Variants in PPP1R9A observed in about 807,000 individuals in gnomAD.
PPP1R9A encodes the protein protein phosphatase 1 regulatory subunit 9A, also known as neurabin-1.
A neutral mutation model predicts 141.9 loss-of-function variants in PPP1R9A; 59 were observed. The observed-to-expected ratio is 0.42, with a 90% CI of 0.34 to 0.52. The LOEUF (loss-of-function observed/expected upper bound fraction) is 0.52. PPP1R9A is among the 20% of genes least tolerant of loss of function. The pLI is 0.10. For synonymous variants in PPP1R9A, 500 were observed against 569.7 expected, an observed-to-expected ratio of 0.88 and a Z score of 1.74; for missense variants, 1,444 against 1,611.9, an observed-to-expected ratio of 0.90 and a Z score of 1.78.
intron 2 of PPP1R9A, among the ~76,000 whole-genome samples, chr7:95,047,589 T>A (rs546682776): frequency 6.6e-6 from 1 of 152,360 alleles, no homozygotes; most frequent in African/African-American, 2.4e-5. Context: ...GTACACTTTT[T>A]GTCAGGTGGT....
At chr7:95,096,679 C>T (rs913651545) in intron 2 of PPP1R9A, among the ~76,000 whole-genome samples, 2 of 152,156 alleles carry the variant, frequency 1.3e-5, no homozygotes, top group African/African-American at 4.8e-5. Flanking sequence ...CCAGAGCTCC[C>T]CTACCTATTT....
At chr7:95,218,661 G>T (rs908036640) in intron 7 of PPP1R9A, among the ~76,000 whole-genome samples, 8 of 152,264 alleles carry the variant, frequency 5.3e-5, no homozygotes, top group African/African-American at 1.9e-4. Context: ...CCTGTATTGG[G>T]TGCATATATA....
At chr7:95,163,824 C>G (rs1315038422) in intron 5 of PPP1R9A, among the ~76,000 whole-genome samples, 1 of 152,168 alleles carries the variant, frequency 6.6e-6, no homozygotes, top group African/African-American at 2.4e-5. Context: ...ATTGCAATCT[C>G]TGCCTCCTGG....
chr7:94,908,555 T>C (rs1423170642), intron 1 of PPP1R9A: 1 of 152,102 alleles, frequency 6.6e-6, no homozygotes, highest in African/African-American at 2.4e-5. Context: ...GGCCGAGGGA[T>C]TGCGTCCCGA....
chr7:95,226,282 G>T (rs539828362), intron 8 of PPP1R9A, among the ~76,000 whole-genome samples, 166 bp downstream of exon 8: 1 of 152,084 alleles, frequency 6.6e-6, no homozygotes, highest in African/African-American at 2.4e-5. Context: ...AGTAGATCTC[G>T]TTCCACGGTC....
chr7:95,107,943 A>G (rs1819792601), intron 2 of PPP1R9A, among the ~76,000 whole-genome samples: 1 of 152,144 alleles, frequency 6.6e-6, no homozygotes, highest in African/African-American at 2.4e-5. Flanking sequence ...TTTTGTACTC[A>G]TCACTTAGTT....
At chr7:95,251,669 G>T in intron 10 of PPP1R9A, 93 bp from the exon 11 acceptor site, 1 of 1,172,150 alleles carries the variant, frequency 8.5e-7, no homozygotes, top group South Asian at 1.7e-5. Flanking sequence ...TAACTGTTCA[G>T]TTGCTTATCC....
At chr7:95,208,656 A>G (rs1013647472) in intron 7 of PPP1R9A, among the ~76,000 whole-genome samples, 17 of 151,446 alleles carry the variant, frequency 1.1e-4, no homozygotes, top group South Asian at 4.2e-4. Context: ...CCTGGGAGGC[A>G]GAGCTTGCAG....
chr7:95,271,209 G>C (rs577586230), intron 14 of PPP1R9A, among the ~76,000 whole-genome samples: 10 of 152,278 alleles, frequency 6.6e-5, no homozygotes, highest in Non-Finnish European at 1.3e-4. Context: ...TAAGTATATA[G>C]CTTTAGAAGT....
intron 14 of PPP1R9A, among the ~76,000 whole-genome samples, chr7:95,273,046 A>G (rs1057243839): frequency 2.0e-5 from 3 of 152,158 alleles, no homozygotes; most frequent in Non-Finnish European, 4.4e-5. Context: ...GAGATGGAAC[A>G]AGTGCCACCA....
At chr7:95,174,599 TTGATAG>T (rs1832629052) in intron 5 of PPP1R9A, among the ~76,000 whole-genome samples, 1 of 152,144 alleles carries the variant, frequency 6.6e-6, no homozygotes, top group Admixed American at 6.6e-5. Flanking sequence ...TTGATTATTG[TTGATAG>T]TGATAGTGAT....
At chr7:94,948,750 T>C (rs1214665769) in intron 2 of PPP1R9A, among the ~76,000 whole-genome samples, 1 of 152,150 alleles carries the variant, frequency 6.6e-6, no homozygotes, top group Non-Finnish European at 1.5e-5. Context: ...TTTGTCATTC[T>C]CCTGGCATTT....
intron 2 of PPP1R9A, among the ~76,000 whole-genome samples, chr7:95,040,645 A>G (rs1026855386): frequency 3.3e-5 from 5 of 152,066 alleles, no homozygotes; most frequent in African/African-American, 1.2e-4. Context: ...TGTTTTACTG[A>G]GAAAATAGTG....
intron 5 of PPP1R9A, among the ~76,000 whole-genome samples, chr7:95,192,057 A>T (rs1230461328): frequency 6.6e-6 from 1 of 152,044 alleles, no homozygotes; most frequent in Non-Finnish European, 1.5e-5. Flanking sequence ...ATAGATTTAT[A>T]CTTTAATATT....
chr7:95,048,590 T>C (rs1810358988), intron 2 of PPP1R9A, among the ~76,000 whole-genome samples: 1 of 152,094 alleles, frequency 6.6e-6, no homozygotes, highest in South Asian at 2.1e-4. Context: ...TTGCCCAGGC[T>C]GGAGTGCAGT....
At chr7:95,203,859 C>A in intron 7 of PPP1R9A, 129 bp downstream of exon 7, 1 of 589,766 alleles carries the variant, frequency 1.7e-6, no homozygotes, top group Non-Finnish European at 2.8e-6. Context: ...GTGTTTTGTG[C>A]ATTGAATAAT....
At chr7:95,006,926 G>A (rs1286072986) in intron 2 of PPP1R9A, among the ~76,000 whole-genome samples, 5 of 151,366 alleles carry the variant, frequency 3.3e-5, no homozygotes, top group East Asian at 3.9e-4. Flanking sequence ...GCAATGCTGC[G>A]ATCTTGGCTC....
chr7:94,922,812 T>A (rs1389765047), intron 2 of PPP1R9A, among the ~76,000 whole-genome samples: 1 of 152,186 alleles, frequency 6.6e-6, no homozygotes, highest in Admixed American at 6.5e-5. Flanking sequence ...CTTAATTTTC[T>A]ACAATAAGCA....
chr7:94,990,240 C>T (rs1319896827), intron 2 of PPP1R9A, among the ~76,000 whole-genome samples: 1 of 152,064 alleles, frequency 6.6e-6, no homozygotes, highest in East Asian at 1.9e-4. Flanking sequence ...CATCACAGCT[C>T]TTGTGATGAC....
Sources: gnomAD v4.1 joint callset for allele counts (sites outside exome capture counted in the v4.1 genomes callset) on GRCh38, gnomAD v4.1.1 for gene constraint, MANE v1.5 for transcripts, NCBI Gene and HGNC (gene_info 2026-07-23, HGNC 2026-07-21) for gene names.